The following TBC1D32 variants were observed in gnomAD, a reference collection of about 807,000 sequenced individuals.
TBC1D32 encodes the protein TBC1 domain family member 32.
TBC1D32 carries 151 observed loss-of-function variants against 170.3 expected under a neutral mutation model. The ratio of observed to expected loss-of-function variants is 0.89; its 90% CI spans 0.78 to 1.01. TBC1D32 has a LOEUF of 1.01. Among genes scored for constraint, TBC1D32 ranks in the 50% least tolerant of loss-of-function variants. The pLI is 0.00. For synonymous variants in TBC1D32, 498 were observed against 488.0 expected (o/e 1.02, Z -0.27); for missense variants, 1,464 against 1,457.1 (o/e 1.00, Z -0.08).
At chr6:121,178,150 G>T (rs549711457) in intron 22 of TBC1D32, among the ~76,000 whole-genome samples, 20 of 152,236 alleles carry the variant, frequency 1.3e-4, no homozygotes, top group Admixed American at 9.2e-4. Flanking sequence ...ATAACAGTAT[G>T]GGGGAAACTG....
intron 21 of TBC1D32, among the ~76,000 whole-genome samples, chr6:121,220,174 T>A (rs1449407626): frequency 1.3e-5 from 2 of 152,124 alleles, no homozygotes; most frequent in Admixed American, 1.3e-4. Context: ...TGACTAAGCT[T>A]GTTGAGGAAA....
rs1248969958 is a variant in TBC1D32, at chr6:121,254,784, G to T, written c.2018+544C>A. Among the ~76,000 whole-genome samples the T allele has an allele frequency of 3.9e-5, 6 of 152,032 alleles. No individual in the cohort carries two copies. In the East Asian group the frequency reaches 1.2e-3, roughly 29 times the overall value. ...AGAACAGAACCCAGAAAAACATGTT[G>T]CCCGAGTTTAGTTCAAAAAATCTAT... On this transcript the variant is annotated intron_variant, in intron 17 of 31. Coordinates refer to ENST00000398212, the MANE Select transcript of TBC1D32 (RefSeq NM_152730.6).
rs559888570 is a variant in TBC1D32, at chr6:121,154,385, G to A, written c.2773+5625C>T. Among the ~76,000 whole-genome samples, 31 of 152,244 alleles carry A rather than the reference G, an allele frequency of 2.0e-4. No homozygotes were observed. The East Asian group carries it at 2.1e-3, about 10-fold the overall frequency. On this transcript the variant is annotated intron_variant, in intron 24 of 31. Transcript: ENST00000398212. ...TCAGTTGGAAGTGCAGAAATCACCCGCCTTCTGCATTGGTCTCACTGGGAT... is the reference window on the plus strand; with the variant it reads ...TCAGTTGGAAGTGCAGAAATCACCCACCTTCTGCATTGGTCTCACTGGGAT...
rs374172485 is a variant in TBC1D32 at position 121,281,805 on chromosome 6, T to C, written c.1466-119A>G. 4.0e-3 allele frequency: 2,557 copies of C among 646,620 alleles called. 6 individuals are homozygous for C. Among genetic ancestry groups the C allele is most frequent in the Middle Eastern group, 0.013 (30 of 2,276 alleles). 40.1% of individuals were successfully genotyped at this position (646,620 alleles called of 1,614,324 possible). ...AGTTAATTCAGTACTTCAAAAGTCA[T>C]ACAACTCAATATCCAAAGGAAGATG... is the stretch of plus-strand genomic sequence containing the variant. On this transcript the variant is annotated intron_variant, in intron 13 of 31. Transcript: ENST00000398212.
At chr6:121,290,303 G>GA (rs1186641282) in intron 12 of TBC1D32, among the ~76,000 whole-genome samples, 2 of 151,840 alleles carry the variant, frequency 1.3e-5, no homozygotes, top group African/African-American at 2.4e-5. Context: ...AAATTTACAA[G>GA]AAAAAAACAA....
chr6:121,095,999 AG>A (rs1439819323), intron 30 of TBC1D32: 3 of 152,200 alleles, frequency 2.0e-5, no homozygotes, highest in African/African-American at 7.2e-5. Context: ...TAGTTTCAGA[AG>A]GAATGGCACC....
At chr6:121,228,235 G>A (rs1795302567) in intron 20 of TBC1D32, among the ~76,000 whole-genome samples, 1 of 151,802 alleles carries the variant, frequency 6.6e-6, no homozygotes, top group African/African-American at 2.4e-5. Context: ...ATTTGGATTT[G>A]TTATTTCTCT....
intron 12 of TBC1D32, among the ~76,000 whole-genome samples, chr6:121,285,596 A>G (rs1803680319): frequency 6.6e-6 from 1 of 152,152 alleles, no homozygotes; most frequent in Non-Finnish European, 1.5e-5. Flanking sequence ...GCGACGCAGA[A>G]GACGGGTGAT....
chr6:121,240,617 G>A lies in TBC1D32; in HGVS notation c.2245+848C>T, dbSNP rs145944084. ...AATATAAGACATATTGGCCGGGTGC[G>A]GTGGTTCACACTTGTAATCCTAGCA... On this transcript the variant is annotated intron_variant, in intron 19 of 31. Transcript: ENST00000398212. Among the ~76,000 whole-genome samples the A allele has an allele frequency of 1.5e-4, 23 of 151,474 alleles. No individual in the cohort carries two copies. The East Asian group carries it at 2.9e-3, about 19-fold the overall frequency.
intron 24 of TBC1D32, among the ~76,000 whole-genome samples, chr6:121,147,289 TG>T (rs1783585817): frequency 6.6e-6 from 1 of 152,166 alleles, no homozygotes; most frequent in African/African-American, 2.4e-5. Context: ...CACGAGTGCA[TG>T]TGTGTTTTTG....
intron 12 of TBC1D32, 105 bp downstream of exon 12, chr6:121,291,948 C>A (rs1359786891): frequency 8.2e-7 from 1 of 1,216,996 alleles, no homozygotes; most frequent in African/African-American, 1.6e-5. Flanking sequence ...AGGTATGTAG[C>A]TAAGTACCGT....
At position 121,162,198 on chromosome 6, in the gene TBC1D32, T is replaced by G. The variant is rs1272312573; in HGVS notation, c.2571-1142A>C. ...GTTGTACAGAAGCTTTTTAGTCTAA[T>G]TAGATCCCATTTGTCAGTTTTTGTG... On this transcript the variant is annotated intron_variant, in intron 22 of 31. Transcript: ENST00000398212. 1.2e-4 allele frequency among the ~76,000 whole-genome samples: 18 copies of G among 152,222 alleles called. 1 individual carries two copies. Among genetic ancestry groups the G allele is most frequent in the Admixed American group, 1.2e-3 (18 of 15,278 alleles).
At chr6:121,230,641 T>A (rs1034757814) in intron 20 of TBC1D32, among the ~76,000 whole-genome samples, 1 of 80,286 alleles carries the variant, frequency 1.2e-5, no homozygotes, top group Non-Finnish European at 3.0e-5. Context: ...TATGTATATA[T>A]CTGATATATA....
At chr6:121,168,712 T>TAATAAAAA (rs748287642) in intron 22 of TBC1D32, among the ~76,000 whole-genome samples, 1 of 93,900 alleles carries the variant, frequency 1.1e-5, no homozygotes, top group Non-Finnish European at 2.1e-5. Context: ...TAGAGTATAA[T>TAATAAAAA]AAAAAAAAAA....
At chr6:121,234,761 T>C (rs753246597) in intron 20 of TBC1D32, among the ~76,000 whole-genome samples, 43 of 152,150 alleles carry the variant, frequency 2.8e-4, no homozygotes, top group Non-Finnish European at 2.1e-4. Flanking sequence ...GATGAGCTGG[T>C]ATGATCATTT....
intron 22 of TBC1D32, among the ~76,000 whole-genome samples, chr6:121,201,727 T>TTA (rs1791590141): frequency 6.6e-6 from 1 of 151,196 alleles, no homozygotes; most frequent in African/African-American, 2.5e-5. Context: ...GAATTTATTT[T>TTA]TATATATCTG....
intron 24 of TBC1D32, among the ~76,000 whole-genome samples, chr6:121,136,974 T>A (rs1379719355): frequency 6.6e-6 from 1 of 152,072 alleles, no homozygotes; most frequent in Non-Finnish European, 1.5e-5. Context: ...AAGATTTAAT[T>A]AAAAGTATAT....
At chr6:121,247,903 C>T (rs1651317577) in intron 17 of TBC1D32, among the ~76,000 whole-genome samples, 1 of 151,886 alleles carries the variant, frequency 6.6e-6, no homozygotes. Context: ...CAGCACTAGA[C>T]AGGTCATCAA....
intron 21 of TBC1D32, among the ~76,000 whole-genome samples, chr6:121,217,885 G>C (rs1794027701): frequency 6.6e-6 from 1 of 152,204 alleles, no homozygotes. Flanking sequence ...GTTGCCTATA[G>C]AAAGGGAAGA....
Sources: gnomAD v4.1 joint callset for allele counts (sites outside exome capture counted in the v4.1 genomes callset) on GRCh38, gnomAD v4.1.1 for gene constraint, MANE v1.5 for transcripts, NCBI Gene and HGNC (gene_info 2026-07-23, HGNC 2026-07-21) for gene names.